The following NSMCE2 variants were observed in gnomAD, a reference collection of about 807,000 sequenced individuals.
NSMCE2 encodes E3 SUMO-protein ligase NSE2.
A neutral mutation model predicts 23.8 loss-of-function variants in NSMCE2; 24 were observed. That is an observed-to-expected ratio of 1.01 (90% CI 0.73 to 1.42). The LOEUF is 1.42. NSMCE2 is among the 40% of genes most tolerant of loss of function. NSMCE2 has a pLI of 0.00. For synonymous variants in NSMCE2, 92 were observed against 94.1 expected, an observed-to-expected ratio of 0.98 and a Z score of 0.13; for missense variants, 284 against 296.5, an observed-to-expected ratio of 0.96 and a Z score of 0.31.
At chr8:125,327,819 G>A (rs1013346141) in intron 5 of NSMCE2, among the ~76,000 whole-genome samples, 1 of 152,056 alleles carries the variant, frequency 6.6e-6, no homozygotes, top group African/African-American at 2.4e-5. Context: ...GACTGTATTA[G>A]GTAACTAATT....
chr8:125,256,850 T>G (rs1201858453), intron 5 of NSMCE2, among the ~76,000 whole-genome samples: 1 of 129,608 alleles, frequency 7.7e-6, no homozygotes, highest in Non-Finnish European at 1.6e-5. Context: ...TGCTTGAACC[T>G]GGGAAGTGGT....
chr8:125,229,146 A>G (rs755282880), intron 5 of NSMCE2, among the ~76,000 whole-genome samples: 3 of 152,240 alleles, frequency 2.0e-5, no homozygotes, highest in Non-Finnish European at 4.4e-5. Context: ...AGGAAGCAAG[A>G]CAAGATAGAA....
intron 5 of NSMCE2, among the ~76,000 whole-genome samples, chr8:125,337,977 T>C (rs1301755349): frequency 6.6e-6 from 1 of 151,752 alleles, no homozygotes; most frequent in Non-Finnish European, 1.5e-5. Context: ...CTTTTTAAGA[T>C]AGTCTGATTC....
chr8:125,300,008 A>G lies in NSMCE2; in HGVS notation c.419-57211A>G, dbSNP rs527895793. Among the ~76,000 whole-genome samples, 44 of 151,354 alleles carry G rather than the reference A, an allele frequency of 2.9e-4. No homozygotes were observed. In the East Asian group the frequency reaches 8.6e-3, roughly 30 times the overall value. ...TAATTTTTGTATTTTTAGTAGAGAC[A>G]GGGTTTCAACATGTTGGCCAGGCTG... On this transcript the variant is annotated intron_variant, in intron 5 of 7. Coordinates refer to ENST00000287437, the MANE Select transcript of NSMCE2 (RefSeq NM_173685.4).
intron 3 of NSMCE2, among the ~76,000 whole-genome samples, chr8:125,123,445 CTT>C (rs1342007527): frequency 1.3e-5 from 2 of 152,232 alleles, no homozygotes; most frequent in African/African-American, 2.4e-5. Context: ...ATTTTTCTCT[CTT>C]AACAATCCTA....
intron 5 of NSMCE2, among the ~76,000 whole-genome samples, chr8:125,242,108 G>GC: frequency 6.6e-6 from 1 of 151,942 alleles, no homozygotes; most frequent in African/African-American, 2.4e-5. Flanking sequence ...AATAACTGGG[G>GC]GGGGAGTTTG....
At chr8:125,099,131 C>A (rs1213412492) in intron 1 of NSMCE2, among the ~76,000 whole-genome samples, 1 of 152,118 alleles carries the variant, frequency 6.6e-6, no homozygotes, top group Non-Finnish European at 1.5e-5. Flanking sequence ...GTCAAAAAGT[C>A]TGTAAGTTTA....
intron 3 of NSMCE2, among the ~76,000 whole-genome samples, chr8:125,143,876 T>G (rs1370208559): frequency 6.6e-6 from 1 of 152,054 alleles, no homozygotes; most frequent in African/African-American, 2.4e-5. Context: ...GTAAAGAAGT[T>G]TTGTAGACCC....
chr8:125,302,424 G>C (rs1304231823), intron 5 of NSMCE2, among the ~76,000 whole-genome samples: 2 of 152,160 alleles, frequency 1.3e-5, no homozygotes, highest in African/African-American at 4.8e-5. Context: ...AATGAGTGAG[G>C]GAAAGGAAAG....
intron 5 of NSMCE2, among the ~76,000 whole-genome samples, chr8:125,193,548 G>A (rs1229041561): frequency 6.6e-6 from 1 of 152,098 alleles, no homozygotes; most frequent in East Asian, 1.9e-4. Context: ...TTTTTAAAAT[G>A]TATTTATTCT....
Position 125,131,356 on chromosome 8 carries a change from C to T in NSMCE2, c.158-19815C>T, listed in dbSNP as rs542975787. ...CCAGAGCAGTGAATGAAGCTGCAGT[C>T]AGATTTATAGGTCAGCAATCAGGGT... On this transcript the variant is annotated intron_variant, in intron 3 of 7. Transcript: ENST00000287437. Among the ~76,000 whole-genome samples, 4 of 152,244 alleles carry T rather than the reference C, an allele frequency of 2.6e-5. No individual in the cohort carries two copies. In the South Asian group the frequency reaches 8.3e-4, roughly 32 times the overall value.
At chr8:125,108,836 AG>A (rs1414997781) in intron 3 of NSMCE2, among the ~76,000 whole-genome samples, 5 of 152,248 alleles carry the variant, frequency 3.3e-5, no homozygotes, top group Non-Finnish European at 5.9e-5. Flanking sequence ...TTTACAGTCT[AG>A]GTAGGAAATA....
chr8:125,329,911 G>C (rs1829807804), intron 5 of NSMCE2, among the ~76,000 whole-genome samples: 1 of 152,154 alleles, frequency 6.6e-6, no homozygotes, highest in South Asian at 2.1e-4. Context: ...TGGTGGTGGT[G>C]ATACCATGTA....
chr8:125,301,965 A>G (rs1198472328), intron 5 of NSMCE2, among the ~76,000 whole-genome samples: 1 of 143,448 alleles, frequency 7.0e-6, no homozygotes, highest in Non-Finnish European at 1.5e-5. Flanking sequence ...ACCTGCCCCA[A>G]TTTTTTTTTT....
At chr8:125,260,574 C>T (rs1447295787) in intron 5 of NSMCE2, among the ~76,000 whole-genome samples, 3 of 149,468 alleles carry the variant, frequency 2.0e-5, no homozygotes, top group Non-Finnish European at 4.5e-5. Context: ...GAATTTGGAT[C>T]TAGGTGGCCG....
At chr8:125,274,247 T>C (rs537190946) in intron 5 of NSMCE2, among the ~76,000 whole-genome samples, 1 of 151,758 alleles carries the variant, frequency 6.6e-6, no homozygotes, top group Admixed American at 6.6e-5. Context: ...ATACAGAAAA[T>C]GAAACAAAAA....
chr8:125,138,883 C>T (rs1820207788), intron 3 of NSMCE2, among the ~76,000 whole-genome samples: 1 of 152,128 alleles, frequency 6.6e-6, no homozygotes, highest in South Asian at 2.1e-4. Flanking sequence ...GAATTTACAG[C>T]CTGCTTCTGA....
chr8:125,135,124 T>C (rs1819997363), intron 3 of NSMCE2, among the ~76,000 whole-genome samples: 1 of 152,058 alleles, frequency 6.6e-6, no homozygotes, highest in Admixed American at 6.6e-5. Context: ...CACTATGTTG[T>C]CCAGGCTGGT....
At chr8:125,167,879 T>C (rs999431054) in intron 4 of NSMCE2, among the ~76,000 whole-genome samples, 11 of 151,996 alleles carry the variant, frequency 7.2e-5, no homozygotes, top group Non-Finnish European at 1.6e-4. Context: ...CAGGAAAGGG[T>C]AGACAGAACT....
Sources: allele counts gnomAD v4.1 joint callset (sites outside exome capture counted in the v4.1 genomes callset), GRCh38; gene constraint gnomAD v4.1.1; transcripts MANE v1.5; gene names NCBI Gene and HGNC (gene_info 2026-07-23, HGNC 2026-07-21).